Variants in MAPK8IP3 observed in about 807,000 individuals in gnomAD.
MAPK8IP3 encodes C-Jun-amino-terminal kinase-interacting protein 3.
In MAPK8IP3, 49 loss-of-function variants were observed where a neutral mutation model predicts 157.8. The observed-to-expected ratio is 0.31, with a 90% CI of 0.25 to 0.39. The LOEUF is 0.39. Among genes scored for constraint, MAPK8IP3 ranks in the 10% least tolerant of loss-of-function variants. The pLI is 1.00. For missense variants in MAPK8IP3, 1,478 were observed against 1,889.4 expected, an observed-to-expected ratio of 0.78 and a Z score of 4.04; for synonymous variants, 897 against 777.7, an observed-to-expected ratio of 1.15 and a Z score of -2.55.
In MAPK8IP3 at chr16:1,710,725, C is replaced by T. The variant is rs2037717220; in HGVS notation, c.318+4068C>T. On this transcript the variant is annotated intron_variant, in intron 1 of 31. Coordinates refer to ENST00000610761, the MANE Select transcript of MAPK8IP3 (RefSeq NM_001318852.2). The surrounding 1 kb of genome is among the most constrained non-coding windows in gnomAD (Gnocchi z 4.1). ...ATGACAAATAGTAAATCCACCACTG[C>T]TTGGCCAGAGTATGCGATTTCTTTT... is the stretch of plus-strand genomic sequence containing the variant. Among the ~76,000 whole-genome samples the T allele has an allele frequency of 6.6e-6, 1 of 152,212 alleles. No homozygotes were observed. The highest frequency in any genetic ancestry group is 2.1e-4 in the South Asian group (1 of 4,834).
chr16:1,768,302 C>G lies in MAPK8IP3; in HGVS notation c.3666C>G (p.Pro1222=). 2 of 1,610,388 alleles carry G rather than the reference C, an allele frequency of 1.2e-6. No individual in the cohort carries two copies. The highest frequency in any genetic ancestry group is 1.7e-6 in the Non-Finnish European group (2 of 1,179,988). Residue 1222 remains proline (P), a synonymous_variant, in exon 30 of 32, where the codon CCC becomes CCG. Transcript: ENST00000610761. ...SSDRAASSFI[P]YCSMAQAQLC... ...ACAGGGCGGCCAGCAGCTTCATCCC[C>G]TACTGCTCCATGGCCCAGGCCCAGC...
chr16:1,765,097 A>G lies in MAPK8IP3; in HGVS notation c.2365A>G (p.Ile789Val). 6.2e-7 allele frequency: 1 copy of G among 1,612,618 alleles called. No individual in the cohort carries two copies. The highest frequency in any genetic ancestry group is 8.5e-7 in the Non-Finnish European group (1 of 1,179,828). The change falls in exon 20 of 32, where the codon ATC (isoleucine) becomes GTC (valine). Residue 789 changes from isoleucine to valine, a missense_variant. Transcript: ENST00000610761. ...CCTGACCACCAGCAAGGTGGTGATC[A>G]TCGACGCCAACCAGCCGGGCACGGT... ...STLTTSKVVI[I>V]DANQPGTVVD...
At chr16:1,729,398 C>G (rs11248888) in intron 3 of MAPK8IP3, 89 bp from the exon 4 acceptor site, 145,453 of 1,374,310 alleles carry the variant, frequency 0.11, 8,348 homozygotes, top group African/African-American at 0.21. Context: ...TTTCTGCCTG[C>G]ACAGGGCAGC....
rs2042446200 is a variant in MAPK8IP3, at chr16:1,768,831, TG to T, written c.*8del. On this transcript the variant is annotated 3_prime_UTR_variant, in exon 32 of 32. Transcript: ENST00000610761. The stretch of plus-strand genomic sequence containing the variant: ...GTCCTACACCCCCGAGTGAAGCTGC[TG>T]CCCTGCCTGGCCCGACCTGTACATA... 6.2e-7 allele frequency: 1 copy of T among 1,611,700 alleles called. No homozygotes were observed. The highest frequency in any genetic ancestry group is 8.5e-7 in the Non-Finnish European group (1 of 1,179,656).
intron 5 of MAPK8IP3, chr16:1,744,026 C>T (rs2040829652): frequency 4.0e-6 from 4 of 991,798 alleles, no homozygotes; most frequent in Non-Finnish European, 4.8e-6. Context: ...AGAGCCTCGC[C>T]CCAGCAGGTA....
intron 10 of MAPK8IP3, among the ~76,000 whole-genome samples, chr16:1,759,495 G>C (rs1032137387): frequency 1.4e-4 from 22 of 152,280 alleles, no homozygotes; most frequent in African/African-American, 5.1e-4. Flanking sequence ...GGAGCCTTCA[G>C]TCCTGCCAGG....
chr16:1,757,429 C>T (rs1161357196), intron 8 of MAPK8IP3, among the ~76,000 whole-genome samples: 1 of 152,168 alleles, frequency 6.6e-6, no homozygotes, highest in East Asian at 1.9e-4. Context: ...TGCCATTTTC[C>T]TTTCTGTGTG....
Position 1,763,962 on chromosome 16 carries a change from G to C in MAPK8IP3, c.2026-153G>C, listed in dbSNP as rs1415857579. 3 of 1,063,728 alleles carry C rather than the reference G, an allele frequency of 2.8e-6. No individual in the cohort carries two copies. In the African/African-American group the frequency reaches 4.8e-5, roughly 17 times the overall value. The allele number at this position is 1,063,728 out of a possible 1,614,324, so 65.9% of individuals were successfully genotyped here. On this transcript the variant is annotated intron_variant, in intron 17 of 31. Transcript: ENST00000610761. Reference sequence around the variant, plus strand: ...CTCCTGGGCAGGGGTCTGGAGGGTCGGAGAAGGAGCCCCGCGGCTCCCACG... The same window carrying C: ...CTCCTGGGCAGGGGTCTGGAGGGTCCGAGAAGGAGCCCCGCGGCTCCCACG...
rs1391905707 is a variant in MAPK8IP3 at position 1,765,260 on chromosome 16, G to A, written c.2446+82G>A. On this transcript the variant is annotated intron_variant, in intron 20 of 31. Transcript: ENST00000610761. ...TAAGTAAAAGCCCTGCCACACAGCA[G>A]CTGCCTTCTCGGGGTGTCCTGTGGA... 6.2e-6 allele frequency: 9 copies of A among 1,463,304 alleles called. No individual in the cohort carries two copies. The South Asian group carries it at 1.2e-4, about 20-fold the overall frequency. The allele number at this position is 1,463,304 out of a possible 1,614,324, so 90.6% of individuals were successfully genotyped here. A position where few individuals can be genotyped will look rare whatever the true frequency, so the allele number is the denominator to read the frequency against.
Position 1,706,547 on chromosome 16 carries a change from C to A in MAPK8IP3, c.208C>A (p.Leu70Ile). The A allele has an allele frequency of 1.2e-6, 2 of 1,613,752 alleles. No homozygotes were observed. Among genetic ancestry groups the A allele is most frequent in the Non-Finnish European group, 1.7e-6 (2 of 1,179,862 alleles). ...CGTGCTGGAGAACCTAGACTCGGTG[C>A]TCAGCGAGAACCAGGAGCACGAGGT... The part of the protein sequence containing the change: ...VNVLENLDSV[L>I]SENQEHEVEL... Residue 70 changes from leucine to isoleucine, a missense_variant, in exon 1 of 32, where the codon CTC becomes ATC. Leu to Ile is a conservative substitution (Grantham distance 5). Coordinates refer to ENST00000610761, the MANE Select transcript of MAPK8IP3 (RefSeq NM_001318852.2). This position sits in a 1 kb window ranked among gnomAD's most constrained non-coding sequence, Gnocchi z 5.1.
intron 8 of MAPK8IP3, among the ~76,000 whole-genome samples, chr16:1,750,948 G>A (rs1470238025): frequency 6.6e-6 from 1 of 152,128 alleles, no homozygotes; most frequent in African/African-American, 2.4e-5. Flanking sequence ...CTGGCCGATT[G>A]TTTTAATGTC....
At position 1,706,363 on chromosome 16, in the gene MAPK8IP3, G is replaced by T. The variant is rs946554586; in HGVS notation, c.24G>T (p.Glu8Asp). MMEIQMD[E>D]GGGVVVYQDD... Reference sequence around the variant, plus strand: ...CGATGATGGAGATCCAGATGGACGAGGGCGGCGGCGTGGTGGTGTACCAGG... The same window carrying T: ...CGATGATGGAGATCCAGATGGACGATGGCGGCGGCGTGGTGGTGTACCAGG... Residue 8 changes from glutamate (E) to aspartate (D), a missense_variant, in exon 1 of 32, where the codon GAG becomes GAT. This residue lies in a region of MAPK8IP3 where 29 missense variants were observed against 29.8 expected (regional missense o/e 0.97). Transcript: ENST00000610761. This position sits in a 1 kb window ranked among gnomAD's most constrained non-coding sequence, Gnocchi z 5.1. The T allele has an allele frequency of 6.2e-7, 1 of 1,601,882 alleles. No homozygotes were observed. Among genetic ancestry groups the T allele is most frequent in the Admixed American group, 1.7e-5 (1 of 58,704 alleles).
At chr16:1,729,431 G>T in intron 3 of MAPK8IP3, 56 bp from the exon 4 acceptor site, 3 of 1,517,174 alleles carry the variant, frequency 2.0e-6, no homozygotes, top group Non-Finnish European at 2.7e-6. Context: ...ACAGGTTAGA[G>T]GGGACGGAGA....
Position 1,766,912 on chromosome 16 carries a change from A to G in MAPK8IP3, c.3029A>G (p.Lys1010Arg). 1 of 1,602,682 alleles carries G rather than the reference A, an allele frequency of 6.2e-7. No individual in the cohort carries two copies. Among genetic ancestry groups the G allele is most frequent in the Non-Finnish European group, 8.5e-7 (1 of 1,173,092 alleles). ...KDSVLSLVHVKGRVLVALADG... is the reference protein window; with the variant it reads ...KDSVLSLVHVRGRVLVALADG... ...CCGCATTCCTGTTTCAGGCATGTCA[A>G]AGGCCGTGTGCTGGTGGCTCTGGCG... The change falls in exon 25 of 32, where the codon AAA (lysine) becomes AGA (arginine). Residue 1010 changes from lysine to arginine, a missense_variant. Physicochemically the swap from Lys to Arg is conservative, Grantham distance 26. Coordinates refer to ENST00000610761, the MANE Select transcript of MAPK8IP3 (RefSeq NM_001318852.2).
rs2037696464 is a variant in MAPK8IP3, at chr16:1,710,419, A to G, written c.318+3762A>G. ...ACCCAGGAGGCAGATGTTGTGGTGAACCAAGATCATACCACTGCACTCCAG... is the reference window on the plus strand; with the variant it reads ...ACCCAGGAGGCAGATGTTGTGGTGAGCCAAGATCATACCACTGCACTCCAG... On this transcript the variant is annotated intron_variant, in intron 1 of 31. Coordinates refer to ENST00000610761, the MANE Select transcript of MAPK8IP3 (RefSeq NM_001318852.2). This position sits in a 1 kb window ranked among gnomAD's most constrained non-coding sequence, Gnocchi z 4.1. 6.6e-6 allele frequency among the ~76,000 whole-genome samples: 1 copy of G among 152,154 alleles called. No individual in the cohort carries two copies. Among genetic ancestry groups the G allele is most frequent in the African/African-American group, 2.4e-5 (1 of 41,444 alleles).
chr16:1,715,050 G>C (rs938995226), intron 1 of MAPK8IP3, among the ~76,000 whole-genome samples: 1 of 151,962 alleles, frequency 6.6e-6, no homozygotes, highest in Admixed American at 6.6e-5. Context: ...AAATGTATAT[G>C]TACTAGTAAG....
chr16:1,768,251 C>G lies in MAPK8IP3; in HGVS notation c.3615C>G (p.Ile1205Met), dbSNP rs1182124136. 3.1e-6 allele frequency: 5 copies of G among 1,612,300 alleles called. No homozygotes were observed. Among genetic ancestry groups the G allele is most frequent in the East Asian group, 2.2e-5 (1 of 44,890 alleles). Residue 1205 changes from isoleucine (I) to methionine (M), a missense_variant, in exon 30 of 32, where the codon ATC becomes ATG. Coordinates refer to ENST00000610761, the MANE Select transcript of MAPK8IP3 (RefSeq NM_001318852.2). ...SGEGARPGGI[I>M]HVYGDDSSDR... ...AGGGCGCCCGTCCCGGGGGCATCAT[C>G]CACGTGTATGGCGATGACAGCAGTG...
chr16:1,749,312 C>T (rs1371759214), intron 8 of MAPK8IP3, among the ~76,000 whole-genome samples: 1 of 152,200 alleles, frequency 6.6e-6, no homozygotes, highest in Non-Finnish European at 1.5e-5. Flanking sequence ...TTAGCCTCGC[C>T]CCATCTTCTG....
At chr16:1,747,634 G>T (rs944294284) in intron 6 of MAPK8IP3, among the ~76,000 whole-genome samples, 3 of 152,232 alleles carry the variant, frequency 2.0e-5, no homozygotes, top group African/African-American at 7.2e-5. Flanking sequence ...GTCATGCTAG[G>T]GGGTATCTAT....
Sources: gnomAD v4.1 joint callset for allele counts (sites outside exome capture counted in the v4.1 genomes callset) on GRCh38, gnomAD v4.1.1 for gene constraint, gnomAD v4.1.1 regional missense constraint, Gnocchi (gnomAD v3.1) non-coding constraint, MANE v1.5 for transcripts, NCBI Gene and HGNC (gene_info 2026-07-23, HGNC 2026-07-21) for gene names.